Variants in PTPRR observed in about 807,000 individuals in gnomAD.
The protein encoded by PTPRR is protein tyrosine phosphatase receptor type R.
A neutral mutation model predicts 77.2 loss-of-function variants in PTPRR; 38 were observed. The ratio of observed to expected loss-of-function variants is 0.49; its 90% CI spans 0.38 to 0.65. PTPRR has a LOEUF of 0.65. Ranked by LOEUF, PTPRR falls within the 30% of genes least tolerant of loss-of-function variation. The pLI, the probability that PTPRR is intolerant of heterozygous loss-of-function variation, is 0.00. For missense variants in PTPRR, 744 were observed against 799.2 expected (o/e 0.93, Z 0.83); for synonymous variants, 299 against 283.1 (o/e 1.06, Z -0.57).
chr12:70,686,858 C>T (rs537931876), intron 8 of PTPRR, among the ~76,000 whole-genome samples: 14 of 152,190 alleles, frequency 9.2e-5, no homozygotes, highest in East Asian at 7.7e-4. Context: ...CCCCAATTCC[C>T]GGCACACAGA....
At chr12:70,818,969 C>A (rs565265799) in intron 2 of PTPRR, among the ~76,000 whole-genome samples, 2 of 152,048 alleles carry the variant, frequency 1.3e-5, no homozygotes, top group Non-Finnish European at 2.9e-5. Flanking sequence ...GAAGCATGAA[C>A]CCTGTCTACA....
At chr12:70,735,476 A>G (rs1171727810) in intron 6 of PTPRR, among the ~76,000 whole-genome samples, 1 of 152,124 alleles carries the variant, frequency 6.6e-6, no homozygotes, top group Admixed American at 6.5e-5. Flanking sequence ...TGAGAACAGC[A>G]TGGGAAAAAC....
At chr12:70,735,280 G>A (rs1889822861) in intron 6 of PTPRR, among the ~76,000 whole-genome samples, 1 of 152,166 alleles carries the variant, frequency 6.6e-6, no homozygotes, top group Non-Finnish European at 1.5e-5. Context: ...CTGAGATTGA[G>A]TTAATCTATA....
At chr12:70,756,938 G>C (rs996805389) in intron 4 of PTPRR, among the ~76,000 whole-genome samples, 3 of 152,144 alleles carry the variant, frequency 2.0e-5, no homozygotes, top group Non-Finnish European at 4.4e-5. Context: ...AAAGTATCTG[G>C]TTAATTTGAT....
At chr12:70,673,884 G>A (rs903160403) in intron 10 of PTPRR, among the ~76,000 whole-genome samples, 1 of 151,460 alleles carries the variant, frequency 6.6e-6, no homozygotes, top group African/African-American at 2.4e-5. Flanking sequence ...TGCTAGTTTT[G>A]CCTATTTTAT....
At chr12:70,779,091 G>A (rs767356285) in intron 2 of PTPRR, among the ~76,000 whole-genome samples, 10 of 151,686 alleles carry the variant, frequency 6.6e-5, no homozygotes, top group Admixed American at 5.2e-4. Context: ...CAGGTGATCC[G>A]CCCACCTCAG....
chr12:70,918,922 T>C (rs1322063762), intron 1 of PTPRR, among the ~76,000 whole-genome samples: 3 of 152,226 alleles, frequency 2.0e-5, no homozygotes, highest in South Asian at 2.1e-4. Flanking sequence ...TGTTTGCAAA[T>C]AATTTAATAA....
chr12:70,768,513 A>T (rs541348640), intron 2 of PTPRR, among the ~76,000 whole-genome samples: 3 of 152,340 alleles, frequency 2.0e-5, no homozygotes, highest in Non-Finnish European at 2.9e-5. Flanking sequence ...TGTGGCAATA[A>T]TCAATAACTT....
At chr12:70,831,827 T>C (rs1892217801) in intron 2 of PTPRR, among the ~76,000 whole-genome samples, 1 of 152,200 alleles carries the variant, frequency 6.6e-6, no homozygotes, top group Non-Finnish European at 1.5e-5. Flanking sequence ...TCTTAAAGCC[T>C]TTCTTAAGGT....
intron 6 of PTPRR, among the ~76,000 whole-genome samples, chr12:70,743,191 G>A (rs761850285): frequency 2.0e-5 from 3 of 152,138 alleles, no homozygotes; most frequent in Non-Finnish European, 4.4e-5. Context: ...AGCCATGCAA[G>A]AAACAGAAAA....
chr12:70,884,712 C>CAA lies in PTPRR; in HGVS notation c.357+7965_357+7966dup, dbSNP rs34680812. ...GAAACCCCGTCTCTACTAAAAAATA[C>CAA]AAAAAAAAAATTACCCGGGCGTAGT... On this transcript the variant is annotated intron_variant, in intron 2 of 13. Coordinates refer to ENST00000283228, the MANE Select transcript of PTPRR (RefSeq NM_002849.4). Among the ~76,000 whole-genome samples, 297 of 147,796 alleles carry CAA rather than the reference C, an allele frequency of 2.0e-3. 1 individual carries two copies. Among genetic ancestry groups the CAA allele is most frequent in the Middle Eastern group, 7.0e-3 (2 of 284 alleles).
intron 5 of PTPRR, among the ~76,000 whole-genome samples, chr12:70,751,241 CT>C (rs922899583): frequency 6.6e-6 from 1 of 152,124 alleles, no homozygotes; most frequent in African/African-American, 2.4e-5. Context: ...AATTTTACCC[CT>C]GTTGCTGAGG....
chr12:70,793,729 A>G (rs1891462720), intron 2 of PTPRR, among the ~76,000 whole-genome samples: 1 of 152,182 alleles, frequency 6.6e-6, no homozygotes. Context: ...TTAGGCATCC[A>G]ACTTACAGTT....
intron 2 of PTPRR, among the ~76,000 whole-genome samples, chr12:70,869,802 T>A (rs12309968): frequency 0.12 from 18,506 of 152,130 alleles, 2,096 homozygotes; most frequent in African/African-American, 0.3. Context: ...CCCTAGAATC[T>A]CCGGAAGGAA....
At chr12:70,869,487 A>C (rs1042461079) in intron 2 of PTPRR, among the ~76,000 whole-genome samples, 2 of 152,212 alleles carry the variant, frequency 1.3e-5, no homozygotes, top group African/African-American at 4.8e-5. Context: ...CAACTGTGGT[A>C]GACTGAATAA....
At chr12:70,800,179 A>T (rs1891588092) in intron 2 of PTPRR, among the ~76,000 whole-genome samples, 1 of 152,090 alleles carries the variant, frequency 6.6e-6, no homozygotes, top group African/African-American at 2.4e-5. Flanking sequence ...AAACACCTGG[A>T]GTGCATGATC....
rs971793971 is a variant in PTPRR, at chr12:70,645,230, C to A, written c.1881-5953G>T. Reference sequence around the variant, plus strand: ...GGTGTTCTGTGGAAGATTCTGCCTGCAAAAAGTTTTCCATTGTTCACAAAG... The same window carrying A: ...GGTGTTCTGTGGAAGATTCTGCCTGAAAAAAGTTTTCCATTGTTCACAAAG... On this transcript the variant is annotated intron_variant, in intron 13 of 13. Transcript: ENST00000283228. Among the ~76,000 whole-genome samples the A allele has an allele frequency of 2.6e-5, 4 of 152,136 alleles. 1 individual carries two copies. The highest frequency in any genetic ancestry group is 5.9e-5 in the Non-Finnish European group (4 of 68,010).
intron 2 of PTPRR, among the ~76,000 whole-genome samples, chr12:70,799,122 T>C (rs372490025): frequency 7.2e-4 from 110 of 152,212 alleles, no homozygotes; most frequent in African/African-American, 2.4e-3. Flanking sequence ...TCCGCTTACC[T>C]CCCTGACCAT....
intron 6 of PTPRR, among the ~76,000 whole-genome samples, chr12:70,737,529 T>TCTATCTAA (rs1555171459): frequency 6.6e-6 from 1 of 150,828 alleles, no homozygotes; most frequent in East Asian, 1.9e-4. Context: ...TATCTATCTA[T>TCTATCTAA]CTATCTTTCG....
Sources: gnomAD v4.1 joint callset for allele counts (sites outside exome capture counted in the v4.1 genomes callset) on GRCh38, gnomAD v4.1.1 for gene constraint, MANE v1.5 for transcripts, NCBI Gene and HGNC (gene_info 2026-07-23, HGNC 2026-07-21) for gene names.